The following CLSTN2 variants were observed in gnomAD, a reference collection of about 807,000 sequenced individuals.
CLSTN2 encodes the protein calsyntenin-2.
Under a neutral mutation model 101.2 loss-of-function variants are expected in CLSTN2, and 48 were observed. The observed-to-expected ratio is 0.47, with a 90% CI of 0.38 to 0.60. The LOEUF (loss-of-function observed/expected upper bound fraction) is 0.60. CLSTN2 is among the 20% of genes least tolerant of loss of function. The probability of loss-of-function intolerance (pLI) is 0.00; values close to 1 mark genes in which losing one functional copy is unlikely to be tolerated. For synonymous variants in CLSTN2, 481 were observed against 463.6 expected (o/e 1.04, Z -0.48); for missense variants, 1,160 against 1,238.2 (o/e 0.94, Z 0.95).
At chr3:140,093,345 C>A (rs1361556990) in intron 1 of CLSTN2, among the ~76,000 whole-genome samples, 1 of 152,082 alleles carries the variant, frequency 6.6e-6, no homozygotes. Context: ...ATGATCTGTA[C>A]CCGCCATGGC....
intron 8 of CLSTN2, among the ~76,000 whole-genome samples, chr3:140,479,851 T>C (rs1934074411): frequency 6.6e-6 from 1 of 152,156 alleles, no homozygotes. Context: ...ATCGTAAAGA[T>C]TGAATAAGAT....
At chr3:140,429,424 C>T (rs2088604982) in intron 5 of CLSTN2, among the ~76,000 whole-genome samples, 1 of 152,126 alleles carries the variant, frequency 6.6e-6, no homozygotes. Context: ...TAGAAAAATA[C>T]TGGGCTTTAG....
At chr3:139,976,806 G>A (rs774525087) in intron 1 of CLSTN2, among the ~76,000 whole-genome samples, 13 of 152,288 alleles carry the variant, frequency 8.5e-5, no homozygotes, top group Non-Finnish European at 1.9e-4. Flanking sequence ...GGTTATTTGT[G>A]CACTTCTGTG....
chr3:140,386,614 C>T (rs945292368), intron 2 of CLSTN2, among the ~76,000 whole-genome samples: 7 of 152,160 alleles, frequency 4.6e-5, no homozygotes, highest in Admixed American at 1.3e-4. Context: ...CTCTTTCTCT[C>T]TCTGGGTGTG....
At chr3:140,523,259 T>G (rs992212456) in intron 8 of CLSTN2, among the ~76,000 whole-genome samples, 4 of 152,152 alleles carry the variant, frequency 2.6e-5, no homozygotes, top group Admixed American at 2.6e-4. Context: ...AGACAGTCCT[T>G]TGAAGCTTCA....
chr3:140,333,446 C>G (rs113307056), intron 2 of CLSTN2, among the ~76,000 whole-genome samples: 1 of 152,112 alleles, frequency 6.6e-6, no homozygotes, highest in Non-Finnish European at 1.5e-5. Flanking sequence ...CCATGGCTCT[C>G]CACTCTAGAA....
At chr3:139,973,547 G>A (rs1250473557) in intron 1 of CLSTN2, among the ~76,000 whole-genome samples, 2 of 152,130 alleles carry the variant, frequency 1.3e-5, no homozygotes, top group Non-Finnish European at 2.9e-5. Context: ...GGGTGTGTGG[G>A]GTAGAGGGAG....
Position 139,998,672 on chromosome 3 carries a change from A to C in CLSTN2, c.109+63189A>C, listed in dbSNP as rs543169096. The stretch of plus-strand genomic sequence containing the variant: ...TTTAGGAGAGTTCCCTAAAGTCTGC[A>C]GTCAGTGTTTGATGCTTGGCACAAG... On this transcript the variant is annotated intron_variant, in intron 1 of 16. Coordinates refer to ENST00000458420, the MANE Select transcript of CLSTN2 (RefSeq NM_022131.3). Among the ~76,000 whole-genome samples, 6 of 152,134 alleles carry C rather than the reference A, an allele frequency of 3.9e-5. No homozygotes were observed. The South Asian group carries it at 1.2e-3, about 32-fold the overall frequency.
chr3:140,085,966 C>T (rs2008674404), intron 1 of CLSTN2, among the ~76,000 whole-genome samples: 1 of 152,190 alleles, frequency 6.6e-6, no homozygotes, highest in Non-Finnish European at 1.5e-5. Context: ...AGACTCCCTT[C>T]AGATGCACAT....
At chr3:140,225,091 C>A (rs1427895345) in intron 2 of CLSTN2, among the ~76,000 whole-genome samples, 1 of 152,226 alleles carries the variant, frequency 6.6e-6, no homozygotes, top group Non-Finnish European at 1.5e-5. Context: ...AGCATCAGTT[C>A]CAGCCATCTG....
chr3:140,172,671 C>G (rs975686735), intron 1 of CLSTN2, among the ~76,000 whole-genome samples: 1 of 152,238 alleles, frequency 6.6e-6, no homozygotes, highest in Admixed American at 6.5e-5. Context: ...ATTGGACTTA[C>G]AGTTCCACGT....
At chr3:140,427,426 G>A (rs2088584555) in intron 5 of CLSTN2, among the ~76,000 whole-genome samples, 1 of 151,762 alleles carries the variant, frequency 6.6e-6, no homozygotes, top group African/African-American at 2.4e-5. Context: ...CAACATGGAA[G>A]GAGAAGGAGT....
At chr3:140,173,333 A>G (rs921964262) in intron 1 of CLSTN2, among the ~76,000 whole-genome samples, 4 of 152,322 alleles carry the variant, frequency 2.6e-5, no homozygotes, top group Non-Finnish European at 2.9e-5. Flanking sequence ...CTGATGCAAG[A>G]GGTAGGTTCC....
intron 1 of CLSTN2, among the ~76,000 whole-genome samples, chr3:140,069,620 G>A (rs1359962956): frequency 6.6e-6 from 1 of 152,206 alleles, no homozygotes; most frequent in East Asian, 1.9e-4. Flanking sequence ...TGCTTGGGAG[G>A]TGTTCATGTT....
intron 2 of CLSTN2, among the ~76,000 whole-genome samples, chr3:140,302,232 A>G (rs1345242765): frequency 6.6e-6 from 1 of 152,168 alleles, no homozygotes; most frequent in Non-Finnish European, 1.5e-5. Context: ...CAGAACCAGA[A>G]CTGTGACTTT....
chr3:140,504,497 C>T (rs1190204961), intron 8 of CLSTN2, among the ~76,000 whole-genome samples: 1 of 152,074 alleles, frequency 6.6e-6, no homozygotes, highest in Non-Finnish European at 1.5e-5. Flanking sequence ...TAGTGGGGAA[C>T]AAGAGAAGAC....
intron 8 of CLSTN2, among the ~76,000 whole-genome samples, chr3:140,501,251 T>G (rs907109466): frequency 6.6e-6 from 1 of 152,200 alleles, no homozygotes; most frequent in African/African-American, 2.4e-5. Flanking sequence ...AGCTAAGGGA[T>G]AAAAAAGATT....
intron 4 of CLSTN2, among the ~76,000 whole-genome samples, chr3:140,407,095 C>G (rs2088312102): frequency 6.6e-6 from 1 of 152,210 alleles, no homozygotes; most frequent in African/African-American, 2.4e-5. Context: ...TGTACAGAAG[C>G]AGTCCTCCAG....
chr3:140,044,514 C>T (rs943728759), intron 1 of CLSTN2, among the ~76,000 whole-genome samples: 1 of 152,008 alleles, frequency 6.6e-6, no homozygotes, highest in Non-Finnish European at 1.5e-5. Flanking sequence ...AATTGAATAC[C>T]CTTTATTTCT....
Sources: gnomAD v4.1 joint callset for allele counts (sites outside exome capture counted in the v4.1 genomes callset) on GRCh38, gnomAD v4.1.1 for gene constraint, MANE v1.5 for transcripts, NCBI Gene and HGNC (gene_info 2026-07-23, HGNC 2026-07-21) for gene names.